FREM2: variants seen among roughly 807,000 people sequenced by gnomAD.
FREM2 encodes FRAS1 related extracellular matrix 2, also known as FRAS1-related extracellular matrix protein 2.
FREM2 carries 119 observed loss-of-function variants against 219.9 expected under a neutral mutation model. The ratio of observed to expected loss-of-function variants is 0.54; its 90% CI spans 0.47 to 0.63. FREM2 has a LOEUF of 0.63. Among genes scored for constraint, FREM2 ranks in the 30% least tolerant of loss-of-function variants. The pLI is 0.00. For synonymous variants in FREM2, 1,562 were observed against 1,522.8 expected, an observed-to-expected ratio of 1.03 and a Z score of -0.60; for missense variants, 4,030 against 3,993.6, an observed-to-expected ratio of 1.01 and a Z score of -0.25.
At chr13:38,744,068 A>G (rs1207526121) in intron 2 of FREM2, among the ~76,000 whole-genome samples, 1 of 152,190 alleles carries the variant, frequency 6.6e-6, no homozygotes, top group Non-Finnish European at 1.5e-5. Flanking sequence ...GAAAAAAGAT[A>G]AAATGAATAA....
rs998326400 is a variant in FREM2 at position 38,866,304 on chromosome 13, G to A, written c.7983+1698G>A. On this transcript the variant is annotated intron_variant, in intron 16 of 23. Transcript: ENST00000280481. Reference sequence around the variant, plus strand: ...GAGGTTGGGAGTCCAAGAGCAGCCTGACCAACATGGAGAAACCCCGTCTCT... The same window carrying A: ...GAGGTTGGGAGTCCAAGAGCAGCCTAACCAACATGGAGAAACCCCGTCTCT... 4.6e-5 allele frequency among the ~76,000 whole-genome samples: 7 copies of A among 152,082 alleles called. No individual in the cohort carries two copies. In the East Asian group the frequency reaches 1.4e-3, roughly 30 times the overall value.
chr13:38,846,643 G>A lies in FREM2; in HGVS notation c.6090G>A (p.Val2030=), dbSNP rs1317653218. The A allele has an allele frequency of 1.9e-6, 3 of 1,613,820 alleles. No homozygotes were observed. The highest frequency in any genetic ancestry group is 1.7e-4 in the Middle Eastern group (1 of 6,034). Residue 2030 remains valine, a synonymous_variant, in exon 7 of 24, where the codon GTG becomes GTA. Coordinates refer to ENST00000280481, the MANE Select transcript of FREM2 (RefSeq NM_207361.6). ...GTGCTGGCTATGTGGAAGTGCAGGT[G>A]TGGAGAACGGGCACTGACCTGTCCA... The part of the protein sequence containing the change: ...DESAGYVEVQ[V]WRTGTDLSKS...
rs527267442 is a variant in FREM2, at chr13:38,868,908, G to T, written c.7984-3834G>T. On this transcript the variant is annotated intron_variant, in intron 16 of 23. Coordinates refer to ENST00000280481, the MANE Select transcript of FREM2 (RefSeq NM_207361.6). Reference sequence around the variant, plus strand: ...CAAACCATCAGCACAGACTCCATGTGCTTCAGAGGCTTCGTGGTTTTATTG... The same window carrying T: ...CAAACCATCAGCACAGACTCCATGTTCTTCAGAGGCTTCGTGGTTTTATTG... Among the ~76,000 whole-genome samples, 41 of 152,326 alleles carry T rather than the reference G, an allele frequency of 2.7e-4. No individual in the cohort carries two copies. The Middle Eastern group carries it at 0.01, about 38-fold the overall frequency.
At chr13:38,795,708 G>A (rs1442517105) in intron 6 of FREM2, among the ~76,000 whole-genome samples, 2 of 151,998 alleles carry the variant, frequency 1.3e-5, no homozygotes, top group African/African-American at 4.8e-5. Flanking sequence ...TTACATATTT[G>A]TACTCACAAA....
intron 6 of FREM2, among the ~76,000 whole-genome samples, chr13:38,846,071 C>T (rs1877141531): frequency 6.6e-6 from 1 of 152,132 alleles, no homozygotes; most frequent in Non-Finnish European, 1.5e-5. Flanking sequence ...ACAGTAGGTT[C>T]TAACCCTTGT....
intron 6 of FREM2, among the ~76,000 whole-genome samples, chr13:38,838,748 G>A (rs937356961): frequency 2.0e-5 from 3 of 151,986 alleles, no homozygotes; most frequent in East Asian, 1.9e-4. Context: ...CCACTTGATC[G>A]ATTCAGCTAT....
chr13:38,697,637 C>A, intron 1 of FREM2, 61 bp from the exon 2 acceptor site: 2 of 961,900 alleles, frequency 2.1e-6, no homozygotes, highest in South Asian at 1.3e-5. Flanking sequence ...TAAAATTTAC[C>A]ATAATGAATC....
intron 21 of FREM2, 76 bp from the exon 22 acceptor site, chr13:38,878,058 T>C: frequency 1.6e-6 from 2 of 1,233,382 alleles, no homozygotes; most frequent in Non-Finnish European, 2.4e-6. Flanking sequence ...GTCCTCATTG[T>C]CATAACCTGT....
chr13:38,719,608 A>AG (rs1871145008), intron 2 of FREM2, among the ~76,000 whole-genome samples: 1 of 152,172 alleles, frequency 6.6e-6, no homozygotes, highest in Non-Finnish European at 1.5e-5. Flanking sequence ...TGTTGGGCTC[A>AG]CCCAGACAAT....
intron 2 of FREM2, among the ~76,000 whole-genome samples, chr13:38,735,580 A>T (rs1871956601): frequency 6.6e-6 from 1 of 152,076 alleles, no homozygotes; most frequent in African/African-American, 2.4e-5. Context: ...GCAGGAAATT[A>T]TAGCAAGCGC....
chr13:38,815,878 A>G (rs1489018982), intron 6 of FREM2, among the ~76,000 whole-genome samples: 1 of 152,180 alleles, frequency 6.6e-6, no homozygotes, highest in Admixed American at 6.6e-5. Flanking sequence ...AGGGATCTGT[A>G]CCCATAACCC....
chr13:38,862,307 T>G (rs1877790367), intron 15 of FREM2, among the ~76,000 whole-genome samples: 1 of 152,192 alleles, frequency 6.6e-6, no homozygotes, highest in African/African-American at 2.4e-5. Flanking sequence ...CCTGAGATTT[T>G]TCTGGGGATT....
chr13:38,710,541 A>G (rs1037190346), intron 2 of FREM2, among the ~76,000 whole-genome samples: 3 of 152,104 alleles, frequency 2.0e-5, no homozygotes, highest in African/African-American at 7.2e-5. Context: ...CCAGCCCTAA[A>G]TGTACCACTC....
intron 7 of FREM2, among the ~76,000 whole-genome samples, chr13:38,847,194 T>G (rs909893512): frequency 1.2e-4 from 18 of 148,762 alleles, no homozygotes; most frequent in Non-Finnish European, 1.8e-4. Flanking sequence ...CACACTTCGT[T>G]ATAAAAAAGT....
In FREM2 at chr13:38,861,540, T is replaced by C. The variant is rs751849540; in HGVS notation, c.7629T>C (p.Thr2543=). 2 of 1,612,170 alleles carry C rather than the reference T, an allele frequency of 1.2e-6. No individual in the cohort carries two copies. The change falls in exon 15 of 24, where the codon ACT becomes ACC. Residue 2543 remains threonine (T), a synonymous_variant. Coordinates refer to ENST00000280481, the MANE Select transcript of FREM2 (RefSeq NM_207361.6). The part of the protein sequence containing the change: ...DADYTNLIKL[T]VTMPHIDGML... ...ACTACACAAACCTTATCAAGCTCACTGTCACAATGCCACACATAGATGGTA... is the reference window on the plus strand; with the variant it reads ...ACTACACAAACCTTATCAAGCTCACCGTCACAATGCCACACATAGATGGTA...
chr13:38,689,874 C>CA lies in FREM2; in HGVS notation c.2531dup (p.His844GlnfsTer6), dbSNP rs1869732482. The stretch of plus-strand genomic sequence containing the variant: ...CGGCTTCACTATTCAGGAGAAGGGT[C>CA]ACCACATCCTGAGTGAGACAGAGTT... On this transcript the variant is annotated frameshift_variant, in exon 1 of 24. Transcript: ENST00000280481. LOFTEE classifies it high-confidence loss of function. The CA allele has an allele frequency of 6.2e-7, 1 of 1,614,120 alleles. No homozygotes were observed. Among genetic ancestry groups the CA allele is most frequent in the Non-Finnish European group, 8.5e-7 (1 of 1,180,024 alleles).
chr13:38,687,227 G>A lies in FREM2; in HGVS notation c.-118G>A. 7 of 1,403,526 alleles carry A rather than the reference G, an allele frequency of 5.0e-6. No individual in the cohort carries two copies. The highest frequency in any genetic ancestry group is 5.9e-6 in the Non-Finnish European group (6 of 1,018,312). 86.9% of individuals were successfully genotyped at this position (1,403,526 alleles called of 1,614,324 possible). A position where few individuals can be genotyped will look rare whatever the true frequency, so the allele number is the denominator to read the frequency against. ...TCTGGCCCAGCCCCGGCTACAGGAG[G>A]ACCCCGCGGGCAACGCGCGGAGTTC... On this transcript the variant is annotated 5_prime_UTR_variant, in exon 1 of 24. Coordinates refer to ENST00000280481, the MANE Select transcript of FREM2 (RefSeq NM_207361.6).
In FREM2 at chr13:38,697,685, G is replaced by T. The variant is rs1289910918; in HGVS notation, c.5174-13G>T. 1 of 1,469,002 alleles carries T rather than the reference G, an allele frequency of 6.8e-7. No individual in the cohort carries two copies. The highest frequency in any genetic ancestry group is 9.5e-7 in the Non-Finnish European group (1 of 1,048,410). 91.0% of individuals were successfully genotyped at this position (1,469,002 alleles called of 1,614,324 possible). On this transcript the variant is annotated splice_polypyrimidine_tract_variant and intron_variant, in intron 1 of 23. Transcript: ENST00000280481. ...CTGGTAATTAATCATCTTGTTTTTT[G>T]GTTATTTTCTAGCTGACATTGATGA...
chr13:38,689,863 A>T lies in FREM2; in HGVS notation c.2519A>T (p.Gln840Leu). ...ATCCTCAACACCGGCTTCACTATTC[A>T]GGAGAAGGGTCACCACATCCTGAGT... is the stretch of plus-strand genomic sequence containing the variant. Reference protein sequence around the residue: ...PEILNTGFTIQEKGHHILSET... With the variant: ...PEILNTGFTILEKGHHILSET... The change falls in exon 1 of 24, where the codon CAG becomes CTG. Residue 840 changes from glutamine (Q) to leucine (L), a missense_variant. Physicochemically the swap from Gln to Leu is moderately radical, Grantham distance 113. Transcript: ENST00000280481. The T allele has an allele frequency of 6.2e-7, 1 of 1,614,130 alleles. No homozygotes were observed. The highest frequency in any genetic ancestry group is 1.3e-5 in the African/African-American group (1 of 75,026).
Sources: gnomAD v4.1 joint callset for allele counts (sites outside exome capture counted in the v4.1 genomes callset) on GRCh38, gnomAD v4.1.1 for gene constraint, MANE v1.5 for transcripts, NCBI Gene and HGNC (gene_info 2026-07-23, HGNC 2026-07-21) for gene names.